Variants in TEAD4 observed in about 807,000 individuals in gnomAD.
The protein encoded by TEAD4 is transcriptional enhancer factor TEF-3.
In TEAD4, 36 loss-of-function variants were observed where a neutral mutation model predicts 52.4. The ratio of observed to expected loss-of-function variants is 0.69; its 90% CI spans 0.53 to 0.91. The LOEUF is 0.91. Ranked by LOEUF, TEAD4 falls within the 40% of genes least tolerant of loss-of-function variation. The pLI, the probability that TEAD4 is intolerant of heterozygous loss-of-function variation, is 0.00. For missense variants in TEAD4, 508 were observed against 583.9 expected, an observed-to-expected ratio of 0.87 and a Z score of 1.34; for synonymous variants, 220 against 231.0, an observed-to-expected ratio of 0.95 and a Z score of 0.43.
intron 5 of TEAD4, among the ~76,000 whole-genome samples, chr12:3,014,302 G>A (rs563802478): frequency 6.6e-6 from 1 of 152,350 alleles, no homozygotes; most frequent in East Asian, 1.9e-4. Context: ...CTTGGGGGCC[G>A]GCTGTGTGGC....
intron 3 of TEAD4, among the ~76,000 whole-genome samples, chr12:2,996,512 C>T (rs953155173): frequency 2.6e-5 from 4 of 151,718 alleles, no homozygotes; most frequent in Non-Finnish European, 5.9e-5. Context: ...CGGGTTCAAG[C>T]GATTCTCCCA....
chr12:2,977,995 G>A (rs2098231138), intron 2 of TEAD4, among the ~76,000 whole-genome samples: 1 of 152,162 alleles, frequency 6.6e-6, no homozygotes. Flanking sequence ...TTCTCTGCTG[G>A]GTTCTTTCCT....
At chr12:3,021,301 A>AAAC (rs1281389921) in intron 9 of TEAD4, among the ~76,000 whole-genome samples, 6 of 130,142 alleles carry the variant, frequency 4.6e-5, no homozygotes, top group African/African-American at 1.7e-4. Flanking sequence ...TGACATCTTC[A>AAAC]AACTTCTTTT....
chr12:3,040,558 C>A lies in TEAD4; in HGVS notation c.*80C>A. ...TGGGGAGGGGACCTGCAGGGGCAGC[C>A]CCCTGAAGTGCCAAGAGAGCTGAGA... On this transcript the variant is annotated 3_prime_UTR_variant, in exon 13 of 13. Coordinates refer to ENST00000359864, the MANE Select transcript of TEAD4 (RefSeq NM_003213.4). 2 of 1,292,318 alleles carry A rather than the reference C, an allele frequency of 1.5e-6. No homozygotes were observed. The highest frequency in any genetic ancestry group is 1.9e-5 in the Admixed American group (1 of 51,952). 80.1% of individuals were successfully genotyped at this position (1,292,318 alleles called of 1,614,324 possible). A position where few individuals can be genotyped will look rare whatever the true frequency, so the allele number is the denominator to read the frequency against.
At chr12:3,032,372 A>G (rs2098276205) in intron 10 of TEAD4, among the ~76,000 whole-genome samples, 1 of 151,694 alleles carries the variant, frequency 6.6e-6, no homozygotes, top group South Asian at 2.1e-4. Context: ...CGCACTCTGG[A>G]TGGGAGGATC....
chr12:2,964,177 G>A (rs1027685116), intron 2 of TEAD4, among the ~76,000 whole-genome samples: 2 of 152,180 alleles, frequency 1.3e-5, no homozygotes, highest in Admixed American at 6.5e-5. Context: ...CTGAGCTTTC[G>A]GCTCTTACTA....
rs187053820 is a variant in TEAD4 at position 2,988,445 on chromosome 12, G to T, written c.-29-6293G>T. Among the ~76,000 whole-genome samples, 454 of 151,508 alleles carry T rather than the reference G, an allele frequency of 3.0e-3. 13 individuals are homozygous for T. Among genetic ancestry groups the T allele is most frequent in the Non-Finnish European group, 2.5e-4 (17 of 67,888 alleles). On this transcript the variant is annotated intron_variant, in intron 2 of 12. Coordinates refer to ENST00000359864, the MANE Select transcript of TEAD4 (RefSeq NM_003213.4). ...GAGGCAGGAGAATCGCTTGAACCTG[G>T]GAGGCAGAGGTTGCAGTGAGCCGAG...
chr12:2,977,081 C>G (rs1342264072), intron 2 of TEAD4, among the ~76,000 whole-genome samples: 2 of 23,236 alleles, frequency 8.6e-5, no homozygotes, highest in East Asian at 6.2e-4. Context: ...GGGCCAGGCT[C>G]TGTGCTCATG....
At chr12:3,029,269 A>C (rs1591597674) in intron 10 of TEAD4, among the ~76,000 whole-genome samples, 2 of 118,672 alleles carry the variant, frequency 1.7e-5, no homozygotes, top group African/African-American at 6.2e-5. Context: ...ATGAAGTCTC[A>C]CTCTGTCACC....
At chr12:3,012,389 C>T (rs2098261026) in intron 5 of TEAD4, among the ~76,000 whole-genome samples, 157 bp downstream of exon 5, 1 of 152,180 alleles carries the variant, frequency 6.6e-6, no homozygotes, top group Non-Finnish European at 1.5e-5. Context: ...CTCTCCCATC[C>T]GCACAAGAGG....
intron 4 of TEAD4, 132 bp downstream of exon 4, chr12:3,011,200 G>T: frequency 5.0e-6 from 4 of 807,610 alleles, no homozygotes; most frequent in Non-Finnish European, 8.0e-6. Flanking sequence ...AGTTATCCCT[G>T]TTGGGCGTGT....
At chr12:3,014,784 C>T (rs1004245182) in intron 5 of TEAD4, among the ~76,000 whole-genome samples, 30 of 152,218 alleles carry the variant, frequency 2.0e-4, no homozygotes, top group African/African-American at 7.2e-4. Flanking sequence ...CTGACCCCTG[C>T]CCCACCCTGC....
At position 2,994,695 on chromosome 12, in the gene TEAD4, G is replaced by C. The variant is rs2098245776; in HGVS notation, c.-29-43G>C. On this transcript the variant is annotated intron_variant, in intron 2 of 12. Transcript: ENST00000359864. This position sits in a 1 kb window ranked among gnomAD's most constrained non-coding sequence, Gnocchi z 4.7. ...GTGCCTTCATCCCGTGGCCCACGCA[G>C]TTCTTCCACTGCTCACCGGGGCTGT... is the stretch of plus-strand genomic sequence containing the variant. 8 of 1,513,528 alleles carry C rather than the reference G, an allele frequency of 5.3e-6. No individual in the cohort carries two copies. The highest frequency in any genetic ancestry group is 6.2e-6 in the Non-Finnish European group (7 of 1,134,658). 93.8% of individuals were successfully genotyped at this position (1,513,528 alleles called of 1,614,324 possible). A position where few individuals can be genotyped will look rare whatever the true frequency, so the allele number is the denominator to read the frequency against.
chr12:3,036,842 G>T (rs1055666691), intron 10 of TEAD4, among the ~76,000 whole-genome samples: 3 of 152,198 alleles, frequency 2.0e-5, no homozygotes, highest in Non-Finnish European at 2.9e-5. Context: ...GCACCAAATT[G>T]TCTCATCTGG....
At chr12:2,979,888 T>C (rs1004313207) in intron 2 of TEAD4, among the ~76,000 whole-genome samples, 3 of 151,900 alleles carry the variant, frequency 2.0e-5, no homozygotes, top group Admixed American at 6.6e-5. Flanking sequence ...CAGTGAACAG[T>C]GAGTGAATGA....
chr12:3,005,533 A>G (rs61917970), intron 3 of TEAD4, among the ~76,000 whole-genome samples: 11,181 of 151,592 alleles, frequency 0.074, 447 homozygotes, highest in Non-Finnish European at 0.093. Flanking sequence ...GTCTCGCTCT[A>G]TCGCCCAGGC....
chr12:2,966,682 A>G (rs1479942652), intron 2 of TEAD4, among the ~76,000 whole-genome samples: 3 of 151,698 alleles, frequency 2.0e-5, no homozygotes, highest in Non-Finnish European at 4.4e-5. Context: ...GAGTGTTGGT[A>G]TTACAGGTGT....
chr12:2,999,122 C>T (rs908126770), intron 3 of TEAD4, among the ~76,000 whole-genome samples: 7 of 152,106 alleles, frequency 4.6e-5, no homozygotes, highest in East Asian at 1.9e-4. Flanking sequence ...CTCTGGGAGG[C>T]GGAATGGGAG....
chr12:2,964,046 G>A lies in TEAD4; in HGVS notation c.-30+4006G>A, dbSNP rs568053908. On this transcript the variant is annotated intron_variant, in intron 2 of 12. Coordinates refer to ENST00000359864, the MANE Select transcript of TEAD4 (RefSeq NM_003213.4). ...ATTGCATATCCGGTAGAGGGTTGGG[G>A]GCAGTGCAGAGGGCGCTGGGGAGGG... 1.1e-4 allele frequency among the ~76,000 whole-genome samples: 16 copies of A among 152,276 alleles called. No homozygotes were observed. In the South Asian group the frequency reaches 2.9e-3, roughly 28 times the overall value.
Sources: gnomAD v4.1 joint callset for allele counts (sites outside exome capture counted in the v4.1 genomes callset) on GRCh38, gnomAD v4.1.1 for gene constraint, Gnocchi (gnomAD v3.1) non-coding constraint, MANE v1.5 for transcripts, NCBI Gene and HGNC (gene_info 2026-07-23, HGNC 2026-07-21) for gene names.